PELI2: variants seen among roughly 807,000 people sequenced by gnomAD.
The protein encoded by PELI2 is E3 ubiquitin-protein ligase pellino homolog 2.
Under a neutral mutation model 42.3 loss-of-function variants are expected in PELI2, and 23 were observed. The ratio of observed to expected loss-of-function variants is 0.54; its 90% CI spans 0.39 to 0.77. The LOEUF is 0.77. PELI2 is among the 30% of genes least tolerant of loss of function. The pLI is 0.00. For synonymous variants in PELI2, 245 were observed against 212.2 expected (o/e 1.15, Z -1.34); for missense variants, 463 against 553.2 (o/e 0.84, Z 1.64).
rs927922650 is a variant in PELI2, at chr14:56,239,288, C to T, written c.208-40388C>T. On this transcript the variant is annotated intron_variant, in intron 2 of 5. Transcript: ENST00000267460. ...CTAGAAAGATGAATATGTGTTCATTCTTTGGAATTGAAAATAGGGAAATAG... is the reference window on the plus strand; with the variant it reads ...CTAGAAAGATGAATATGTGTTCATTTTTTGGAATTGAAAATAGGGAAATAG... Among the ~76,000 whole-genome samples the T allele has an allele frequency of 3.3e-5, 5 of 152,248 alleles. No individual in the cohort carries two copies. In the South Asian group the frequency reaches 1.0e-3, roughly 32 times the overall value.
chr14:56,159,833 A>G (rs1229558301), intron 1 of PELI2, among the ~76,000 whole-genome samples: 1 of 152,172 alleles, frequency 6.6e-6, no homozygotes, highest in East Asian at 1.9e-4. Context: ...TGGTCAGTGA[A>G]AAGTGCTCTG....
At chr14:56,147,432 A>C (rs1398895673) in intron 1 of PELI2, among the ~76,000 whole-genome samples, 1 of 152,224 alleles carries the variant, frequency 6.6e-6, no homozygotes, top group African/African-American at 2.4e-5. Context: ...CAGCACATGT[A>C]CATGGGGAAG....
chr14:56,174,105 G>A lies in PELI2; in HGVS notation c.78-4230G>A, dbSNP rs558983324. ...TTAAGTAGAGACAGGGTTTCACCAC[G>A]TTGGCCAGGCTGGTTTCGAACTCCT... On this transcript the variant is annotated intron_variant, in intron 1 of 5. Coordinates refer to ENST00000267460, the MANE Select transcript of PELI2 (RefSeq NM_021255.3). Among the ~76,000 whole-genome samples, 11 of 152,164 alleles carry A rather than the reference G, an allele frequency of 7.2e-5. No homozygotes were observed. In the East Asian group the frequency reaches 7.7e-4, roughly 11 times the overall value.
rs1887049255 is a variant in PELI2, at chr14:56,219,597, A to G, written c.207+41133A>G. On this transcript the variant is annotated intron_variant, in intron 2 of 5. Coordinates refer to ENST00000267460, the MANE Select transcript of PELI2 (RefSeq NM_021255.3). This position sits in a 1 kb window ranked among gnomAD's most constrained non-coding sequence, Gnocchi z 4.1. Reference sequence around the variant, plus strand: ...AGGGTCTCTGAGCTGCCACACACTCATAAGAGGCCTCCTTAGTCCTACTCC... The same window carrying G: ...AGGGTCTCTGAGCTGCCACACACTCGTAAGAGGCCTCCTTAGTCCTACTCC... Among the ~76,000 whole-genome samples, 2 of 152,196 alleles carry G rather than the reference A, an allele frequency of 1.3e-5. No individual in the cohort carries two copies. The highest frequency in any genetic ancestry group is 1.3e-4 in the Admixed American group (2 of 15,288).
At chr14:56,143,578 G>A (rs547760883) in intron 1 of PELI2, among the ~76,000 whole-genome samples, 10 of 152,226 alleles carry the variant, frequency 6.6e-5, no homozygotes, top group South Asian at 2.1e-4. Flanking sequence ...GAATTCTTCC[G>A]TAAGGACGGT....
intron 1 of PELI2, among the ~76,000 whole-genome samples, chr14:56,175,784 G>T (rs557828921): frequency 6.6e-6 from 1 of 152,072 alleles, no homozygotes; most frequent in Non-Finnish European, 1.5e-5. Flanking sequence ...GTTGTAACTC[G>T]TGGAAATCAA....
intron 2 of PELI2, among the ~76,000 whole-genome samples, chr14:56,272,927 A>G (rs533100552): frequency 6.6e-6 from 1 of 152,310 alleles, no homozygotes; most frequent in Non-Finnish European, 1.5e-5. Flanking sequence ...GTGATGAGTC[A>G]CATAAGATTT....
At chr14:56,258,069 T>C (rs756579043) in intron 2 of PELI2, among the ~76,000 whole-genome samples, 1 of 152,198 alleles carries the variant, frequency 6.6e-6, no homozygotes, top group Non-Finnish European at 1.5e-5. Flanking sequence ...GGATTAGTTA[T>C]GTTCCCACCT....
In PELI2 at chr14:56,288,561, G is replaced by A. The variant is rs780968135; in HGVS notation, c.434G>A (p.Cys145Tyr). 1.2e-6 allele frequency: 2 copies of A among 1,614,108 alleles called. No individual in the cohort carries two copies. Among genetic ancestry groups the A allele is most frequent in the Non-Finnish European group, 1.7e-6 (2 of 1,179,990 alleles). Residue 145 changes from cysteine (C) to tyrosine (Y), a missense_variant, in exon 4 of 6, where the codon TGC (cysteine) becomes TAC (tyrosine). Around this residue, in one of 3 missense-constraint regions of PELI2, gnomAD observed 343 missense variants for 378.4 expected, o/e 0.91. Coordinates refer to ENST00000267460, the MANE Select transcript of PELI2 (RefSeq NM_021255.3). This position sits in a 1 kb window ranked among gnomAD's most constrained non-coding sequence, Gnocchi z 4.6. ...TCCAGGTTCGCCTGCAGGATCGTGT[G>A]CGACAGGAATGAACCTTACACAGCA... ...TISRFACRIV[C>Y]DRNEPYTARI... is the part of the protein sequence containing the mutation.
chr14:56,148,487 G>T (rs1566606387), intron 1 of PELI2, among the ~76,000 whole-genome samples: 4 of 152,194 alleles, frequency 2.6e-5, no homozygotes, highest in Admixed American at 2.6e-4. Context: ...TATTCTTGGG[G>T]CTTCTCAGGT....
rs149635151 is a variant in PELI2 at position 56,176,821 on chromosome 14, T to C, written c.78-1514T>C. Among the ~76,000 whole-genome samples, 1,003 of 152,362 alleles carry C rather than the reference T, an allele frequency of 6.6e-3. 15 individuals carry two copies. The highest frequency in any genetic ancestry group is 0.023 in the African/African-American group (941 of 41,582). On this transcript the variant is annotated intron_variant, in intron 1 of 5. Coordinates refer to ENST00000267460, the MANE Select transcript of PELI2 (RefSeq NM_021255.3). ...GATCTTGTACTAATTGTGTGTAGGC[T>C]ACAGTAGTGAAAATGTTCCTCTAAG...
At chr14:56,181,609 A>G (rs545836279) in intron 2 of PELI2, among the ~76,000 whole-genome samples, 134 of 152,084 alleles carry the variant, frequency 8.8e-4, no homozygotes, top group South Asian at 1.9e-3. Flanking sequence ...CACCACAACA[A>G]TCATTCTCTC....
rs1236709767 is a variant in PELI2, at chr14:56,178,399, C to T, written c.142C>T (p.Arg48Trp). The change falls in exon 2 of 6, where the codon CGG (arginine) becomes TGG (tryptophan). Residue 48 changes from arginine to tryptophan, a missense_variant. Coordinates refer to ENST00000267460, the MANE Select transcript of PELI2 (RefSeq NM_021255.3). ...RRKSRFALYK[R>W]PKANGVKPST... ...GAAAAGTAGATTTGCCCTCTACAAG[C>T]GGCCCAAGGCAAATGGTGTCAAACC... 11 of 1,613,922 alleles carry T rather than the reference C, an allele frequency of 6.8e-6. No homozygotes were observed. In the East Asian group the frequency reaches 8.9e-5, roughly 13 times the overall value.
chr14:56,175,796 T>C (rs1479441118), intron 1 of PELI2, among the ~76,000 whole-genome samples: 1 of 152,202 alleles, frequency 6.6e-6, no homozygotes, highest in African/African-American at 2.4e-5. Context: ...GGAAATCAAA[T>C]TGAGTTAGCT....
intron 4 of PELI2, among the ~76,000 whole-genome samples, chr14:56,289,718 A>C (rs1889765627): frequency 6.6e-6 from 1 of 152,112 alleles, no homozygotes; most frequent in Admixed American, 6.5e-5. Flanking sequence ...TCCTGTCGTC[A>C]TGTCAAGCTA....
At chr14:56,158,561 C>G (rs971321091) in intron 1 of PELI2, among the ~76,000 whole-genome samples, 3 of 151,952 alleles carry the variant, frequency 2.0e-5, no homozygotes, top group African/African-American at 7.2e-5. Context: ...CACCATGTTG[C>G]CTAGGCTGGT....
At position 56,288,506 on chromosome 14, in the gene PELI2, G is replaced by T. The variant is rs1232450044; in HGVS notation, c.379G>T (p.Asp127Tyr). Residue 127 changes from aspartate (D) to tyrosine (Y), a missense_variant, in exon 4 of 6, where the codon GAC becomes TAC. Asp to Tyr is a radical substitution (Grantham distance 160). This residue lies in a region of PELI2 where 343 missense variants were observed against 378.4 expected (regional missense o/e 0.91). Coordinates refer to ENST00000267460, the MANE Select transcript of PELI2 (RefSeq NM_021255.3). This position sits in a 1 kb window ranked among gnomAD's most constrained non-coding sequence, Gnocchi z 4.6. ...TDTISGSQNTDEAQITQSTIS... is the reference protein window; with the variant it reads ...TDTISGSQNTYEAQITQSTIS... ...CACGATTTCTGGCAGCCAGAACACG[G>T]ACGAAGCCCAGATCACACAGAGCAC... 1 of 1,614,124 alleles carries T rather than the reference G, an allele frequency of 6.2e-7. No homozygotes were observed. Among genetic ancestry groups the T allele is most frequent in the South Asian group, 1.1e-5 (1 of 91,072 alleles).
At chr14:56,209,490 C>G (rs1224399561) in intron 2 of PELI2, among the ~76,000 whole-genome samples, 1 of 152,180 alleles carries the variant, frequency 6.6e-6, no homozygotes, top group Non-Finnish European at 1.5e-5. Context: ...AACAACATCA[C>G]TCTTCCAGTA....
chr14:56,119,864 T>C, intron 1 of PELI2: 1 of 984,922 alleles, frequency 1.0e-6, no homozygotes, highest in Non-Finnish European at 1.2e-6. Flanking sequence ...CGCTGATAGG[T>C]AGGCTTAGCA....
Sources: gnomAD v4.1 joint callset for allele counts (sites outside exome capture counted in the v4.1 genomes callset) on GRCh38, gnomAD v4.1.1 for gene constraint, gnomAD v4.1.1 regional missense constraint, Gnocchi (gnomAD v3.1) non-coding constraint, MANE v1.5 for transcripts, NCBI Gene and HGNC (gene_info 2026-07-23, HGNC 2026-07-21) for gene names.